KIRREL3: variants seen among roughly 807,000 people sequenced by gnomAD.
KIRREL3 encodes the protein kin of IRRE-like protein 3.
In KIRREL3, 36 loss-of-function variants were observed where a neutral mutation model predicts 89.7. That is an observed-to-expected ratio of 0.40 (90% CI 0.31 to 0.53). KIRREL3 has a LOEUF of 0.53. KIRREL3 is among the 20% of genes least tolerant of loss of function. The probability of loss-of-function intolerance (pLI) is 0.49; values close to 1 mark genes in which losing one functional copy is unlikely to be tolerated. For synonymous variants in KIRREL3, 445 were observed against 441.4 expected, an observed-to-expected ratio of 1.01 and a Z score of -0.10; for missense variants, 864 against 1,056.6, an observed-to-expected ratio of 0.82 and a Z score of 2.53.
rs1353777149 is a variant in KIRREL3, at chr11:126,742,895, C to G, written c.56-179983G>C. 1.3e-5 allele frequency among the ~76,000 whole-genome samples: 2 copies of G among 152,204 alleles called. No individual in the cohort carries two copies. Among genetic ancestry groups the G allele is most frequent in the Non-Finnish European group, 2.9e-5 (2 of 68,038 alleles). On this transcript the variant is annotated intron_variant, in intron 1 of 16. Transcript: ENST00000525144. This position sits in a 1 kb window ranked among gnomAD's most constrained non-coding sequence, Gnocchi z 5.3. ...CTGAAGATGATGGATCTGCATTAAG[C>G]AAAACCCAATAACCAGGCACTTTCA...
At chr11:126,701,697 C>T (rs532750575) in intron 1 of KIRREL3, among the ~76,000 whole-genome samples, 1 of 152,216 alleles carries the variant, frequency 6.6e-6, no homozygotes, top group Admixed American at 6.5e-5. Context: ...AGGAGGTGGG[C>T]TGGGATCTCC....
At chr11:126,751,852 G>A (rs1004674831) in intron 1 of KIRREL3, among the ~76,000 whole-genome samples, 9 of 152,142 alleles carry the variant, frequency 5.9e-5, no homozygotes, top group Non-Finnish European at 2.9e-5. Flanking sequence ...TCATAAAAGT[G>A]TGGAGTTTAT....
At chr11:126,497,213 TGTGAGA>T (rs796564509) in intron 4 of KIRREL3, among the ~76,000 whole-genome samples, 4,376 of 46,578 alleles carry the variant, frequency 0.094, 194 homozygotes, top group African/African-American at 0.23. Context: ...AGTGTGAGTG[TGTGAGA>T]GTGAGTGTGT....
chr11:126,521,676 A>C lies in KIRREL3; in HGVS notation c.284-212T>G, dbSNP rs1784233. 7.0e-6 allele frequency among the ~76,000 whole-genome samples: 1 copy of C among 143,510 alleles called. No homozygotes were observed. The highest frequency in any genetic ancestry group is 2.6e-5 in the African/African-American group (1 of 38,586). The allele number at this position is 143,510 out of a possible 152,430, so 94.1% of individuals were successfully genotyped here. A position where few individuals can be genotyped will look rare whatever the true frequency, so the allele number is the denominator to read the frequency against. ...GTTGGTTCTCTCTCTCTCTCTCTGT[A>C]TGTGTGTGTGTGTGTGTGTGTGTGT... On this transcript the variant is annotated intron_variant, in intron 3 of 16. Transcript: ENST00000525144. This position sits in a 1 kb window ranked among gnomAD's most constrained non-coding sequence, Gnocchi z 4.1.
chr11:126,758,246 G>A (rs115794333), intron 1 of KIRREL3, among the ~76,000 whole-genome samples: 1,571 of 152,296 alleles, frequency 0.01, 38 homozygotes, highest in African/African-American at 0.036. Context: ...TTTTAGAGTG[G>A]GCTGGAAATG....
In KIRREL3 at chr11:126,477,043, T is replaced by C. The variant is rs1957086884; in HGVS notation, c.434-3577A>G. Among the ~76,000 whole-genome samples the C allele has an allele frequency of 6.6e-6, 1 of 152,176 alleles. No individual in the cohort carries two copies. The highest frequency in any genetic ancestry group is 2.4e-5 in the African/African-American group (1 of 41,442). ...TCAGGAAAAAAATGGCATTAACTGT[T>C]GGGGCACTGAAGCCTGGGGAGGACT... On this transcript the variant is annotated intron_variant, in intron 4 of 16. Transcript: ENST00000525144. The surrounding 1 kb of genome is among the most constrained non-coding windows in gnomAD (Gnocchi z 4.8).
chr11:126,816,868 T>C (rs1879449), intron 1 of KIRREL3, among the ~76,000 whole-genome samples: 131,446 of 152,206 alleles, frequency 0.86, 57,107 homozygotes, highest in East Asian at 1. Context: ...AAGTGACTTA[T>C]TGAAAAGGCA....
intron 1 of KIRREL3, among the ~76,000 whole-genome samples, chr11:126,767,367 C>T (rs1219963315): frequency 1.3e-5 from 2 of 152,274 alleles, no homozygotes; most frequent in Middle Eastern, 3.4e-3. Flanking sequence ...AGGGAGACCC[C>T]CACCCTGAGC....
intron 1 of KIRREL3, among the ~76,000 whole-genome samples, chr11:126,798,675 G>T (rs1405084035): frequency 6.6e-6 from 1 of 152,126 alleles, no homozygotes; most frequent in Non-Finnish European, 1.5e-5. Context: ...GGTTCTTCCA[G>T]GTCCTTTTGA....
chr11:126,611,480 G>T lies in KIRREL3; in HGVS notation c.56-48568C>A, dbSNP rs1356956601. Among the ~76,000 whole-genome samples the T allele has an allele frequency of 6.6e-6, 1 of 152,094 alleles. No homozygotes were observed. The highest frequency in any genetic ancestry group is 1.5e-5 in the Non-Finnish European group (1 of 68,022). Reference sequence around the variant, plus strand: ...GAAGCTATATTCCTCCTTCATACTGGACTTTGAGGACAACGTTTTCATGTT... The same window carrying T: ...GAAGCTATATTCCTCCTTCATACTGTACTTTGAGGACAACGTTTTCATGTT... On this transcript the variant is annotated intron_variant, in intron 1 of 16. Coordinates refer to ENST00000525144, the MANE Select transcript of KIRREL3 (RefSeq NM_032531.4). This position sits in a 1 kb window ranked among gnomAD's most constrained non-coding sequence, Gnocchi z 4.7.
chr11:126,960,258 A>C (rs1949045212), intron 1 of KIRREL3, among the ~76,000 whole-genome samples: 1 of 152,224 alleles, frequency 6.6e-6, no homozygotes, highest in Admixed American at 6.5e-5. Flanking sequence ...AACAGAAACA[A>C]GCAGTTATCT....
chr11:126,893,331 T>C (rs1324281853), intron 1 of KIRREL3, among the ~76,000 whole-genome samples: 4 of 152,258 alleles, frequency 2.6e-5, no homozygotes, highest in African/African-American at 9.6e-5. Context: ...AATTAGGTTT[T>C]ACAATGTAAT....
In KIRREL3 at chr11:126,766,435, T is replaced by G. The variant is rs1013724227; in HGVS notation, c.56-203523A>C. Among the ~76,000 whole-genome samples the G allele has an allele frequency of 2.6e-5, 4 of 152,160 alleles. No homozygotes were observed. Among genetic ancestry groups the G allele is most frequent in the Admixed American group, 6.6e-5 (1 of 15,264 alleles). On this transcript the variant is annotated intron_variant, in intron 1 of 16. Transcript: ENST00000525144. The surrounding 1 kb of genome is among the most constrained non-coding windows in gnomAD (Gnocchi z 4.2). Reference sequence around the variant, plus strand: ...GCTATTTTGCTTTTTCTCTCTTTTCTCCTCCCTAGGTATGGCATTGTCCCT... The same window carrying G: ...GCTATTTTGCTTTTTCTCTCTTTTCGCCTCCCTAGGTATGGCATTGTCCCT...
In KIRREL3 at chr11:126,486,121, ATG is replaced by A. The variant is rs1288352200; in HGVS notation, c.434-12657_434-12656del. On this transcript the variant is annotated intron_variant, in intron 4 of 16. Coordinates refer to ENST00000525144, the MANE Select transcript of KIRREL3 (RefSeq NM_032531.4). This position sits in a 1 kb window ranked among gnomAD's most constrained non-coding sequence, Gnocchi z 6.2. ...AGTAGGGATGTAAGTCTCAGGCTGTATGCAGAGTGGAGGAAGGGAGGTGGGTA... is the reference window on the plus strand; with the variant it reads ...AGTAGGGATGTAAGTCTCAGGCTGTACAGAGTGGAGGAAGGGAGGTGGGTA... 6.6e-6 allele frequency among the ~76,000 whole-genome samples: 1 copy of A among 152,216 alleles called. No homozygotes were observed. Among genetic ancestry groups the A allele is most frequent in the Non-Finnish European group, 1.5e-5 (1 of 68,030 alleles).
Position 126,867,710 on chromosome 11 carries a change from A to G in KIRREL3, c.55+132745T>C, listed in dbSNP as rs557124796. On this transcript the variant is annotated intron_variant, in intron 1 of 16. Transcript: ENST00000525144. The surrounding 1 kb of genome is among the most constrained non-coding windows in gnomAD (Gnocchi z 4.7). ...CTCTCTTGGATACTTATTTAAAGCT[A>G]CATTCAGCTAGGATGTAAGTTGGCC... Among the ~76,000 whole-genome samples the G allele has an allele frequency of 3.9e-5, 6 of 152,352 alleles. No homozygotes were observed. The East Asian group carries it at 7.7e-4, about 20-fold the overall frequency.
Position 126,501,336 on chromosome 11 carries a change from T to G in KIRREL3, c.433+19979A>C, listed in dbSNP as rs1447679619. Among the ~76,000 whole-genome samples, 4 of 152,178 alleles carry G rather than the reference T, an allele frequency of 2.6e-5. No individual in the cohort carries two copies. The highest frequency in any genetic ancestry group is 9.7e-5 in the African/African-American group (4 of 41,436). On this transcript the variant is annotated intron_variant, in intron 4 of 16. Coordinates refer to ENST00000525144, the MANE Select transcript of KIRREL3 (RefSeq NM_032531.4). The surrounding 1 kb of genome is among the most constrained non-coding windows in gnomAD (Gnocchi z 5.8). ...ATTCATTTCCTCCATGTTCACATCT[T>G]TAAGAGGGGAAGACGGGGCTGCAGA...
In KIRREL3 at chr11:126,742,375, G is replaced by T. The variant is rs1592058486; in HGVS notation, c.56-179463C>A. On this transcript the variant is annotated intron_variant, in intron 1 of 16. Coordinates refer to ENST00000525144, the MANE Select transcript of KIRREL3 (RefSeq NM_032531.4). The surrounding 1 kb of genome is among the most constrained non-coding windows in gnomAD (Gnocchi z 5.3). ...GGATAGTGTATCCTAACCTGCTTGT[G>T]GTTCTAATTTATTTTCATGCCTCAG... Among the ~76,000 whole-genome samples the T allele has an allele frequency of 6.6e-6, 1 of 152,116 alleles. No homozygotes were observed. Among genetic ancestry groups the T allele is most frequent in the Admixed American group, 6.6e-5 (1 of 15,264 alleles).
chr11:126,498,002 G>A lies in KIRREL3; in HGVS notation c.433+23313C>T, dbSNP rs573923434. Among the ~76,000 whole-genome samples, 9 of 152,308 alleles carry A rather than the reference G, an allele frequency of 5.9e-5. 2 individuals carry two copies. Among genetic ancestry groups the A allele is most frequent in the African/African-American group, 2.2e-4 (9 of 41,566 alleles). ...CTAGGCCCTGCAGATAAGTGAGTCA[G>A]GCATCTGGCTCAGTAAAAAGTGTCT... On this transcript the variant is annotated intron_variant, in intron 4 of 16. Coordinates refer to ENST00000525144, the MANE Select transcript of KIRREL3 (RefSeq NM_032531.4). The surrounding 1 kb of genome is among the most constrained non-coding windows in gnomAD (Gnocchi z 4.3).
chr11:126,473,907 C>A (rs1480510580), intron 4 of KIRREL3, among the ~76,000 whole-genome samples: 1 of 152,196 alleles, frequency 6.6e-6, no homozygotes, highest in Non-Finnish European at 1.5e-5. Flanking sequence ...GATTCTCCTG[C>A]CTTAGCCTCC....
Sources: gnomAD v4.1 joint callset for allele counts (sites outside exome capture counted in the v4.1 genomes callset) on GRCh38, gnomAD v4.1.1 for gene constraint, Gnocchi (gnomAD v3.1) non-coding constraint, MANE v1.5 for transcripts, NCBI Gene and HGNC (gene_info 2026-07-23, HGNC 2026-07-21) for gene names.